Variants in GPC5 observed in about 807,000 individuals in gnomAD.
The protein encoded by GPC5 is glypican 5.
Under a neutral mutation model 53.9 loss-of-function variants are expected in GPC5, and 47 were observed. The observed-to-expected ratio is 0.87, with a 90% CI of 0.69 to 1.11. The LOEUF is 1.11. Among genes scored for constraint, GPC5 ranks in the 50% most tolerant of loss-of-function variants. The probability of loss-of-function intolerance (pLI) is 0.00; values close to 1 mark genes in which losing one functional copy is unlikely to be tolerated. For missense variants in GPC5, 748 were observed against 713.1 expected (o/e 1.05, Z -0.56); for synonymous variants, 286 against 263.3 (o/e 1.09, Z -0.84).
chr13:91,910,979 G>C (rs1157073723), intron 6 of GPC5, among the ~76,000 whole-genome samples: 3 of 152,124 alleles, frequency 2.0e-5, no homozygotes, highest in East Asian at 1.9e-4. Context: ...AGGCCACTCA[G>C]GGGGAGATGT....
chr13:92,508,681 T>C (rs868507610), intron 7 of GPC5, among the ~76,000 whole-genome samples: 1 of 152,194 alleles, frequency 6.6e-6, no homozygotes, highest in South Asian at 2.1e-4. Context: ...TGAAGTTTTA[T>C]AACTGCAGAT....
intron 7 of GPC5, among the ~76,000 whole-genome samples, chr13:92,606,632 A>G (rs1884269888): frequency 6.6e-6 from 1 of 152,148 alleles, no homozygotes; most frequent in Non-Finnish European, 1.5e-5. Flanking sequence ...TGTCCTTTCC[A>G]TATTTTTTAG....
At chr13:92,439,378 T>C (rs1471807079) in intron 7 of GPC5, among the ~76,000 whole-genome samples, 4 of 152,280 alleles carry the variant, frequency 2.6e-5, no homozygotes, top group African/African-American at 9.6e-5. Flanking sequence ...TGACAGAGCA[T>C]TTTCAGTGGT....
At chr13:91,958,753 AT>A (rs2040097670) in intron 6 of GPC5, among the ~76,000 whole-genome samples, 1 of 152,126 alleles carries the variant, frequency 6.6e-6, no homozygotes, top group Non-Finnish European at 1.5e-5. Flanking sequence ...ATACATGGAA[AT>A]TAAACAACAT....
chr13:91,908,172 T>G, intron 6 of GPC5, 115 bp downstream of exon 6: 1 of 769,716 alleles, frequency 1.3e-6, no homozygotes, highest in African/African-American at 1.8e-5. Flanking sequence ...TAAAATATTG[T>G]AACACACTTT....
At chr13:91,823,621 A>G (rs1464804106) in intron 5 of GPC5, among the ~76,000 whole-genome samples, 1 of 152,086 alleles carries the variant, frequency 6.6e-6, no homozygotes, top group Non-Finnish European at 1.5e-5. Flanking sequence ...ACTTTCTTGA[A>G]CTTGAAATGG....
At chr13:91,961,703 G>T (rs974351189) in intron 6 of GPC5, among the ~76,000 whole-genome samples, 3 of 152,000 alleles carry the variant, frequency 2.0e-5, no homozygotes, top group African/African-American at 7.2e-5. Flanking sequence ...CATATGATAC[G>T]GCAATAAGTA....
intron 7 of GPC5, among the ~76,000 whole-genome samples, chr13:92,166,998 A>G (rs1022745416): frequency 1.4e-5 from 2 of 144,318 alleles, no homozygotes; most frequent in African/African-American, 5.6e-5. Context: ...ACACACACAT[A>G]TACACACGCC....
Position 92,102,531 on chromosome 13 carries a change from G to A in GPC5, c.1402-42299G>A, listed in dbSNP as rs2041475601. On this transcript the variant is annotated intron_variant, in intron 6 of 7. Coordinates refer to ENST00000377067, the MANE Select transcript of GPC5 (RefSeq NM_004466.6). The stretch of plus-strand genomic sequence containing the variant: ...CAGAATAAGACAATGTTTCTCCTAA[G>A]ATATAAGCCTTTTCCTAAAATGAGA... Among the ~76,000 whole-genome samples the A allele has an allele frequency of 2.0e-5, 3 of 152,106 alleles. No individual in the cohort carries two copies. In the South Asian group the frequency reaches 6.2e-4, roughly 32 times the overall value.
At chr13:91,915,615 AC>A (rs1451551221) in intron 6 of GPC5, among the ~76,000 whole-genome samples, 1 of 152,204 alleles carries the variant, frequency 6.6e-6, no homozygotes, top group African/African-American at 2.4e-5. Flanking sequence ...ATGTTGAAAG[AC>A]CATTAAAATG....
chr13:92,238,706 T>C (rs992141574), intron 7 of GPC5, among the ~76,000 whole-genome samples: 1 of 152,032 alleles, frequency 6.6e-6, no homozygotes, highest in African/African-American at 2.4e-5. Context: ...TCTCCCTTTG[T>C]CTGGGTTAAC....
At chr13:92,451,081 A>G (rs1001556286) in intron 7 of GPC5, among the ~76,000 whole-genome samples, 3 of 152,188 alleles carry the variant, frequency 2.0e-5, no homozygotes, top group African/African-American at 7.2e-5. Context: ...ATGAATTGTG[A>G]TTTTAATAGA....
intron 5 of GPC5, among the ~76,000 whole-genome samples, chr13:91,907,086 CATATAT>C (rs34091631): frequency 6.8e-6 from 1 of 147,312 alleles, no homozygotes; most frequent in Non-Finnish European, 1.5e-5. Flanking sequence ...AGTGATGTGC[CATATAT>C]ATATGTATAA....
chr13:91,827,266 A>G (rs2038589877), intron 5 of GPC5, among the ~76,000 whole-genome samples: 1 of 152,014 alleles, frequency 6.6e-6, no homozygotes, highest in Non-Finnish European at 1.5e-5. Context: ...TTAAAAGAAT[A>G]CAAAAATATA....
chr13:92,544,159 T>G (rs532347526), intron 7 of GPC5, among the ~76,000 whole-genome samples: 3 of 152,180 alleles, frequency 2.0e-5, no homozygotes, highest in Non-Finnish European at 2.9e-5. Context: ...CAGTTTTCCA[T>G]GATGTTGGGT....
chr13:92,234,645 C>T (rs1414438222), intron 7 of GPC5, among the ~76,000 whole-genome samples: 1 of 152,000 alleles, frequency 6.6e-6, no homozygotes, highest in South Asian at 2.1e-4. Flanking sequence ...CATTGTAAAA[C>T]TAGTAGAAGA....
intron 7 of GPC5, among the ~76,000 whole-genome samples, chr13:92,365,740 GA>G (rs2043602631): frequency 6.6e-6 from 1 of 150,490 alleles, no homozygotes; most frequent in Non-Finnish European, 1.5e-5. Context: ...ACTGGGTCAG[GA>G]TCATCAATAC....
chr13:91,666,655 A>G (rs1030274804), intron 2 of GPC5, among the ~76,000 whole-genome samples: 9 of 152,128 alleles, frequency 5.9e-5, no homozygotes, highest in African/African-American at 2.2e-4. Context: ...AATAATTTTT[A>G]AATAGTTTTT....
intron 7 of GPC5, among the ~76,000 whole-genome samples, chr13:92,380,577 A>G (rs897449841): frequency 3.9e-5 from 6 of 152,080 alleles, no homozygotes; most frequent in Non-Finnish European, 8.8e-5. Flanking sequence ...AATGTGGCAC[A>G]TATACACCAT....
Sources: gnomAD v4.1 joint callset for allele counts (sites outside exome capture counted in the v4.1 genomes callset) on GRCh38, gnomAD v4.1.1 for gene constraint, MANE v1.5 for transcripts, NCBI Gene and HGNC (gene_info 2026-07-23, HGNC 2026-07-21) for gene names.